Variants in TPO observed in about 807,000 individuals in gnomAD.
TPO encodes thyroid microsomal antigen.
In TPO, 78 loss-of-function variants were observed where a neutral mutation model predicts 96.9. That is an observed-to-expected ratio of 0.81 (90% CI 0.67 to 0.97). The LOEUF is 0.97. TPO is among the 50% of genes least tolerant of loss of function. TPO has a pLI of 0.00. For synonymous variants in TPO, 547 were observed against 538.0 expected (o/e 1.02, Z -0.23); for missense variants, 1,252 against 1,274.8 (o/e 0.98, Z 0.27).
chr2:1,435,160 C>T (rs1033845298), intron 4 of TPO, among the ~76,000 whole-genome samples: 3 of 152,214 alleles, frequency 2.0e-5, no homozygotes, highest in African/African-American at 4.8e-5. Flanking sequence ...GTCTCGATCT[C>T]CTGACCTCGT....
chr2:1,492,148 A>G (rs553650275), intron 10 of TPO, among the ~76,000 whole-genome samples: 1 of 131,666 alleles, frequency 7.6e-6, no homozygotes, highest in Non-Finnish European at 1.6e-5. Flanking sequence ...AAAGCTCAGG[A>G]TTTTTTTTGT....
rs535888006 is a variant in TPO, at chr2:1,540,985, T to TGCTTCCACTTA, written c.2748+263_2748+273dup. ...AACTAAGGGCTCACTTTCAGGCGTT[T>TGCTTCCACTTA]GCTTCCACTTAATCTGAGGATCGGC... On this transcript the variant is annotated intron_variant, in intron 16 of 16. Transcript: ENST00000329066. 4.3e-4 allele frequency: 626 copies of TGCTTCCACTTA among 1,444,236 alleles called. 11 individuals are homozygous for TGCTTCCACTTA. In the South Asian group the frequency reaches 7.6e-3, roughly 17 times the overall value. The allele number at this position is 1,444,236 out of a possible 1,614,324, so 89.5% of individuals were successfully genotyped here.
chr2:1,506,737 T>C (rs1673508124), intron 14 of TPO, among the ~76,000 whole-genome samples: 1 of 152,206 alleles, frequency 6.6e-6, no homozygotes, highest in South Asian at 2.1e-4. Context: ...GGTTGTTTGT[T>C]TTTTTCTTGT....
chr2:1,400,139 T>C (rs763233632), intron 1 of TPO, among the ~76,000 whole-genome samples: 2 of 152,184 alleles, frequency 1.3e-5, no homozygotes, highest in Non-Finnish European at 2.9e-5. Flanking sequence ...TTATCAAAGA[T>C]AGGGGAGAGG....
At chr2:1,430,031 TA>T (rs1175287893) in intron 3 of TPO, among the ~76,000 whole-genome samples, 1 of 152,134 alleles carries the variant, frequency 6.6e-6, no homozygotes, top group African/African-American at 2.4e-5. Flanking sequence ...TTAGCATGAC[TA>T]AAAGGGAGCC....
intron 7 of TPO, among the ~76,000 whole-genome samples, chr2:1,463,357 C>A (rs1668619121): frequency 6.6e-6 from 1 of 152,200 alleles, no homozygotes; most frequent in African/African-American, 2.4e-5. Flanking sequence ...GATGACACAT[C>A]ATAAATCAGT....
At chr2:1,498,827 G>A (rs146548522) in intron 13 of TPO, among the ~76,000 whole-genome samples, 2 of 151,222 alleles carry the variant, frequency 1.3e-5, no homozygotes, top group African/African-American at 4.9e-5. Context: ...AAAGGGTCAC[G>A]AATCGCAAGG....
chr2:1,527,742 C>CCA, intron 15 of TPO, among the ~76,000 whole-genome samples: 1 of 148,554 alleles, frequency 6.7e-6, no homozygotes, highest in African/African-American at 2.5e-5. Flanking sequence ...CAAATTTCTC[C>CCA]CACTCTGGGC....
intron 15 of TPO, among the ~76,000 whole-genome samples, chr2:1,532,997 T>C (rs1678674373): frequency 3.5e-5 from 2 of 56,606 alleles, no homozygotes; most frequent in African/African-American, 8.0e-5. Context: ...TCCCACTGTG[T>C]GCAACCTCCT....
chr2:1,463,089 C>A (rs1265866244), intron 7 of TPO, among the ~76,000 whole-genome samples: 1 of 151,956 alleles, frequency 6.6e-6, no homozygotes, highest in African/African-American at 2.4e-5. Context: ...AAGGCAAGAC[C>A]ACATCTGGCA....
chr2:1,451,134 A>G (rs1251777553), intron 5 of TPO, among the ~76,000 whole-genome samples: 1 of 152,182 alleles, frequency 6.6e-6, no homozygotes, highest in Non-Finnish European at 1.5e-5. Flanking sequence ...CAGTAAGAAT[A>G]AAAGCTCCTC....
chr2:1,464,267 A>G (rs1454650505), intron 7 of TPO, among the ~76,000 whole-genome samples: 1 of 152,216 alleles, frequency 6.6e-6, no homozygotes, highest in Non-Finnish European at 1.5e-5. Context: ...ATCGTATATA[A>G]AAAATCACAG....
chr2:1,392,550 T>C (rs938115263), intron 1 of TPO, among the ~76,000 whole-genome samples: 1 of 152,238 alleles, frequency 6.6e-6, no homozygotes, highest in Non-Finnish European at 1.5e-5. Context: ...CCTGTTTTTC[T>C]ATTGATTGGA....
intron 9 of TPO, among the ~76,000 whole-genome samples, chr2:1,486,536 G>GAAAAT (rs779962249): frequency 7.2e-5 from 11 of 151,860 alleles, no homozygotes; most frequent in African/African-American, 1.7e-4. Flanking sequence ...AACTCCATTT[G>GAAAAT]AAAATAAAAT....
chr2:1,532,362 C>G (rs1678495384), intron 15 of TPO, among the ~76,000 whole-genome samples: 1 of 84,552 alleles, frequency 1.2e-5, no homozygotes, highest in African/African-American at 4.8e-5. Context: ...TCCACAAATA[C>G]CCCCCACAGT....
chr2:1,441,694 G>A (rs2148524341), intron 5 of TPO, among the ~76,000 whole-genome samples: 1 of 152,288 alleles, frequency 6.6e-6, no homozygotes, highest in East Asian at 1.9e-4. Flanking sequence ...GGGGGTAGGA[G>A]GTGGGTGTGG....
rs1193665151 is a variant in TPO at position 1,493,630 on chromosome 2, C to T, written c.1769-172C>T. ...GTCACAGGGTGGGACAGGACTCTGC[C>T]GGGCGTCGGAGCTGGAATATCCTAG... On this transcript the variant is annotated intron_variant, in intron 10 of 16. Coordinates refer to ENST00000329066, the MANE Select transcript of TPO (RefSeq NM_001206744.2). Among the ~76,000 whole-genome samples, 5 of 149,654 alleles carry T rather than the reference C, an allele frequency of 3.3e-5. No homozygotes were observed. The East Asian group carries it at 7.8e-4, about 23-fold the overall frequency.
At chr2:1,401,839 TTGTC>T (rs769770027) in intron 1 of TPO, among the ~76,000 whole-genome samples, 107 of 152,266 alleles carry the variant, frequency 7.0e-4, no homozygotes, top group Non-Finnish European at 9.0e-4. Context: ...CTGTGGGTAT[TTGTC>T]TGACTGTTAG....
chr2:1,375,909 G>A (rs751738125), intron 1 of TPO, among the ~76,000 whole-genome samples: 2 of 152,104 alleles, frequency 1.3e-5, no homozygotes, highest in Non-Finnish European at 1.5e-5. Flanking sequence ...TTCTAGTCAC[G>A]CACAACGAAC....
Sources: allele counts gnomAD v4.1 joint callset (sites outside exome capture counted in the v4.1 genomes callset), GRCh38; gene constraint gnomAD v4.1.1; transcripts MANE v1.5; gene names NCBI Gene and HGNC (gene_info 2026-07-23, HGNC 2026-07-21).